Variants in CSMD1 observed in about 807,000 individuals in gnomAD.
The protein encoded by CSMD1 is CUB and sushi domain-containing protein 1.
Under a neutral mutation model 417.5 loss-of-function variants are expected in CSMD1, and 213 were observed. That is an observed-to-expected ratio of 0.51 (90% CI 0.46 to 0.57). The LOEUF (loss-of-function observed/expected upper bound fraction) is 0.57. CSMD1 is among the 20% of genes least tolerant of loss of function. The pLI, the probability that CSMD1 is intolerant of heterozygous loss-of-function variation, is 0.00. For synonymous variants in CSMD1, 2,862 were observed against 1,736.8 expected, an observed-to-expected ratio of 1.65 and a Z score of -16.11; for missense variants, 6,923 against 4,529.7, an observed-to-expected ratio of 1.53 and a Z score of -15.17.
At chr8:3,177,562 T>C (rs1471116507) in intron 37 of CSMD1, among the ~76,000 whole-genome samples, 3 of 152,162 alleles carry the variant, frequency 2.0e-5, no homozygotes, top group African/African-American at 7.2e-5. Context: ...ATATTAAAAA[T>C]TCTTCCCTAA....
intron 7 of CSMD1, among the ~76,000 whole-genome samples, chr8:3,706,939 G>T (rs1197634828): frequency 1.3e-5 from 2 of 151,842 alleles, no homozygotes; most frequent in Admixed American, 6.6e-5. Context: ...TTCATTAAAG[G>T]GTGACTGGCT....
chr8:3,251,671 C>G (rs1386964790), intron 26 of CSMD1, among the ~76,000 whole-genome samples: 1 of 152,164 alleles, frequency 6.6e-6, no homozygotes, highest in African/African-American at 2.4e-5. Flanking sequence ...GGCATTTTCA[C>G]AATATTGATT....
At chr8:4,738,789 A>ATAAGAT (rs1322850000) in intron 1 of CSMD1, among the ~76,000 whole-genome samples, 1 of 152,174 alleles carries the variant, frequency 6.6e-6, no homozygotes, top group Admixed American at 6.5e-5. Context: ...CAATAAACAA[A>ATAAGAT]TAAGATGGAT....
intron 37 of CSMD1, among the ~76,000 whole-genome samples, chr8:3,172,759 C>T (rs573367638): frequency 9.9e-5 from 15 of 152,180 alleles, no homozygotes; most frequent in African/African-American, 3.6e-4. Flanking sequence ...AACCAAACAT[C>T]GTCTCCCATG....
intron 3 of CSMD1, among the ~76,000 whole-genome samples, chr8:4,315,814 T>C (rs1563441315): frequency 6.6e-6 from 1 of 152,308 alleles, no homozygotes; most frequent in Admixed American, 6.5e-5. Context: ...TTTTTTTCTT[T>C]ATTCTTCAGA....
intron 3 of CSMD1, among the ~76,000 whole-genome samples, chr8:4,058,010 A>G (rs936781753): frequency 6.6e-6 from 1 of 151,452 alleles, no homozygotes; most frequent in Non-Finnish European, 1.5e-5. Context: ...TTGACTTGGC[A>G]ATGTGGGCTC....
chr8:3,188,970 G>C lies in CSMD1; in HGVS notation c.5440C>G (p.Leu1814Val), dbSNP rs913763312. 2 of 1,613,278 alleles carry C rather than the reference G, an allele frequency of 1.2e-6. No homozygotes were observed. The highest frequency in any genetic ancestry group is 2.2e-5 in the East Asian group (1 of 44,842). The change falls in exon 35 of 70, where the codon CTG (leucine) becomes GTG (valine). Residue 1814 changes from leucine (L) to valine (V), a missense_variant. Leu to Val is a conservative substitution (Grantham distance 32). Transcript: ENST00000635120. The stretch of plus-strand genomic sequence containing the variant: ...TATGGCTCAGGGTAGCCGGGGGACA[G>C]GATTGTACCTCTTCGTTGAGTGAAA... Reference protein sequence around the residue: ...GNFTQRRGTILSPGYPEPYGN... With the variant: ...GNFTQRRGTIVSPGYPEPYGN...
At chr8:4,769,211 G>C (rs1481062261) in intron 1 of CSMD1, among the ~76,000 whole-genome samples, 1 of 152,098 alleles carries the variant, frequency 6.6e-6, no homozygotes, top group Non-Finnish European at 1.5e-5. Context: ...TGGCTTTATA[G>C]ATAAGATGAA....
intron 3 of CSMD1, among the ~76,000 whole-genome samples, chr8:4,132,025 G>T (rs552983194): frequency 6.6e-5 from 10 of 151,850 alleles, no homozygotes; most frequent in Admixed American, 4.6e-4. Flanking sequence ...ATTTCTATCA[G>T]AATCCCTTCT....
chr8:4,164,138 T>C lies in CSMD1; in HGVS notation c.416-132039A>G, dbSNP rs138709064. Among the ~76,000 whole-genome samples the C allele has an allele frequency of 1.1e-4, 16 of 152,222 alleles. No homozygotes were observed. In the East Asian group the frequency reaches 3.1e-3, roughly 29 times the overall value. Reference sequence around the variant, plus strand: ...TTAAATTTTATTATACCTGATAGTGTTCTCTTAAAATGTAATCATTAGATT... The same window carrying C: ...TTAAATTTTATTATACCTGATAGTGCTCTCTTAAAATGTAATCATTAGATT... On this transcript the variant is annotated intron_variant, in intron 3 of 69. Coordinates refer to ENST00000635120, the MANE Select transcript of CSMD1 (RefSeq NM_033225.6).
chr8:3,691,354 A>T (rs1800231840), intron 7 of CSMD1, among the ~76,000 whole-genome samples: 1 of 151,870 alleles, frequency 6.6e-6, no homozygotes, highest in Non-Finnish European at 1.5e-5. Flanking sequence ...GTGACAGAGC[A>T]AGACTCTGTC....
At chr8:4,915,791 T>C (rs1806024504) in intron 1 of CSMD1, among the ~76,000 whole-genome samples, 2 of 152,384 alleles carry the variant, frequency 1.3e-5, no homozygotes, top group East Asian at 3.9e-4. Flanking sequence ...AGACACTTGA[T>C]GCATAGAATA....
Position 4,936,898 on chromosome 8 carries a change from G to C in CSMD1, c.85+57434C>G, listed in dbSNP as rs542953353. On this transcript the variant is annotated intron_variant, in intron 1 of 69. Coordinates refer to ENST00000635120, the MANE Select transcript of CSMD1 (RefSeq NM_033225.6). The stretch of plus-strand genomic sequence containing the variant: ...TTTGTTCAAATTATTATTTTCTCTT[G>C]TGTTTTATTTTCTTTAAATGTTATT... 2.6e-5 allele frequency among the ~76,000 whole-genome samples: 4 copies of C among 152,216 alleles called. No individual in the cohort carries two copies. In the South Asian group the frequency reaches 6.2e-4, roughly 24 times the overall value.
chr8:4,040,869 G>A (rs17063217), intron 3 of CSMD1, among the ~76,000 whole-genome samples: 22,514 of 152,120 alleles, frequency 0.15, 2,379 homozygotes, highest in East Asian at 0.38. Flanking sequence ...GCTGTTGCAA[G>A]ATAATGTTCA....
intron 3 of CSMD1, among the ~76,000 whole-genome samples, chr8:4,231,153 T>C (rs78409751): frequency 0.013 from 2,012 of 152,270 alleles, 51 homozygotes; most frequent in African/African-American, 0.046. Flanking sequence ...TAACAGGATA[T>C]TGATATAGTG....
chr8:4,812,858 T>C (rs377275576), intron 1 of CSMD1, among the ~76,000 whole-genome samples: 7 of 152,202 alleles, frequency 4.6e-5, no homozygotes, highest in African/African-American at 1.4e-4. Context: ...TATTGATATG[T>C]TATCGCTATG....
chr8:2,998,782 G>T (rs1485944115), intron 53 of CSMD1, among the ~76,000 whole-genome samples: 1 of 152,202 alleles, frequency 6.6e-6, no homozygotes, highest in African/African-American at 2.4e-5. Flanking sequence ...CAGCAAGACA[G>T]ATCAGGGAGA....
At chr8:4,504,815 T>C (rs1472063679) in intron 2 of CSMD1, among the ~76,000 whole-genome samples, 1 of 152,198 alleles carries the variant, frequency 6.6e-6, no homozygotes, top group African/African-American at 2.4e-5. Flanking sequence ...CATGAACTCA[T>C]TATTTTTTAT....
chr8:3,255,647 G>T (rs899334611), intron 26 of CSMD1, among the ~76,000 whole-genome samples: 1 of 152,214 alleles, frequency 6.6e-6, no homozygotes, highest in African/African-American at 2.4e-5. Context: ...AAGGCTCTGT[G>T]GGCGTAGGAC....
Sources: gnomAD v4.1 joint callset for allele counts (sites outside exome capture counted in the v4.1 genomes callset) on GRCh38, gnomAD v4.1.1 for gene constraint, MANE v1.5 for transcripts, NCBI Gene and HGNC (gene_info 2026-07-23, HGNC 2026-07-21) for gene names.